DNAI4: variants seen among roughly 807,000 people sequenced by gnomAD.
DNAI4 encodes the protein dynein axonemal intermediate chain 4.
DNAI4 carries 85 observed loss-of-function variants against 105.8 expected under a neutral mutation model. The observed-to-expected ratio is 0.80, with a 90% CI of 0.67 to 0.96. The LOEUF (loss-of-function observed/expected upper bound fraction) is 0.96. Among genes scored for constraint, DNAI4 ranks in the 40% least tolerant of loss-of-function variants. The pLI is 0.00. For missense variants in DNAI4, 1,014 were observed against 1,005.6 expected (o/e 1.01, Z -0.11); for synonymous variants, 352 against 331.5 (o/e 1.06, Z -0.67).
intron 1 of DNAI4, among the ~76,000 whole-genome samples, chr1:66,908,463 G>A (rs1557981264): frequency 6.6e-6 from 1 of 152,204 alleles, no homozygotes; most frequent in South Asian, 2.1e-4. Flanking sequence ...CTGTGCCCCA[G>A]AACCTACTGA....
At position 66,890,800 on chromosome 1, in the gene DNAI4, GAAGAAGAGGAA is replaced by G. The variant is rs1433890219; in HGVS notation, c.643+343_643+353del. 44 of 299,484 alleles carry G rather than the reference GAAGAAGAGGAA, an allele frequency of 1.5e-4. No individual in the cohort carries two copies. The East Asian group carries it at 1.5e-3, about 11-fold the overall frequency. 18.6% of individuals were successfully genotyped at this position (299,484 alleles called of 1,614,324 possible). On this transcript the variant is annotated intron_variant, in intron 4 of 16. Coordinates refer to ENST00000371026, the MANE Select transcript of DNAI4 (RefSeq NM_024763.5). This position sits in a 1 kb window ranked among gnomAD's most constrained non-coding sequence, Gnocchi z 4.1. ...AGGAAGAGGAGGAAGAAGAAGTGAG[GAAGAAGAGGAA>G]AAGAAGAGGAAAAGAGGAAGAGGAA...
At chr1:66,837,891 A>C (rs978684255) in intron 9 of DNAI4, 95 bp from the exon 10 acceptor site, 1 of 1,198,322 alleles carries the variant, frequency 8.3e-7, no homozygotes, top group Non-Finnish European at 1.2e-6. Context: ...TGTGTTAAAA[A>C]TAGTAGTAAG....
intron 4 of DNAI4, among the ~76,000 whole-genome samples, chr1:66,884,414 T>C (rs1569757686): frequency 6.6e-6 from 1 of 152,216 alleles, no homozygotes; most frequent in Non-Finnish European, 1.5e-5. Flanking sequence ...ATAATGGCTA[T>C]ACTAATTTAT....
intron 14 of DNAI4, 79 bp from the exon 15 acceptor site, chr1:66,827,125 C>A (rs1199501118): frequency 8.1e-7 from 1 of 1,230,196 alleles, no homozygotes; most frequent in South Asian, 1.5e-5. Flanking sequence ...ATTAAAAATG[C>A]TAAGATTTCT....
At chr1:66,830,564 G>A (rs904392486) in intron 13 of DNAI4, among the ~76,000 whole-genome samples, 1 of 151,900 alleles carries the variant, frequency 6.6e-6, no homozygotes, top group African/African-American at 2.4e-5. Flanking sequence ...ATCACTTGAG[G>A]TCAGGAGTTT....
chr1:66,871,590 A>G (rs1009673599), intron 5 of DNAI4, 81 bp from the exon 6 acceptor site: 2 of 1,341,316 alleles, frequency 1.5e-6, no homozygotes, highest in African/African-American at 3.0e-5. Flanking sequence ...TCTTTTCCCT[A>G]AAATTACTTT....
Position 66,840,690 on chromosome 1 carries a change from A to C in DNAI4, c.1292-19T>G, listed in dbSNP as rs1179460374. On this transcript the variant is annotated intron_variant, in intron 8 of 16. Coordinates refer to ENST00000371026, the MANE Select transcript of DNAI4 (RefSeq NM_024763.5). Reference sequence around the variant, plus strand: ...TCAGGTTCTAAAGTTTAAACAAATAAAAAGATCATTGTCCTCTACATCTAT... The same window carrying C: ...TCAGGTTCTAAAGTTTAAACAAATACAAAGATCATTGTCCTCTACATCTAT... The C allele has an allele frequency of 1.9e-6, 3 of 1,613,364 alleles. No homozygotes were observed. The African/African-American group carries it at 4.0e-5, about 22-fold the overall frequency.
intron 5 of DNAI4, among the ~76,000 whole-genome samples, chr1:66,873,945 A>G (rs1646907991): frequency 7.5e-6 from 1 of 133,744 alleles, no homozygotes; most frequent in Non-Finnish European, 1.5e-5. Context: ...AACATGTACT[A>G]TGTTTTATAG....
chr1:66,818,062 C>T (rs903279433), intron 16 of DNAI4, among the ~76,000 whole-genome samples: 1 of 151,910 alleles, frequency 6.6e-6, no homozygotes, highest in Non-Finnish European at 1.5e-5. Flanking sequence ...AAACAGATAA[C>T]TTTAGTATTT....
At chr1:66,817,902 TTCACAATG>T (rs1645550600) in intron 16 of DNAI4, among the ~76,000 whole-genome samples, 1 of 152,180 alleles carries the variant, frequency 6.6e-6, no homozygotes, top group African/African-American at 2.4e-5. Flanking sequence ...CCCTTAAATG[TTCACAATG>T]TCAGGCTTCA....
chr1:66,920,546 T>C (rs72926008), intron 1 of DNAI4, among the ~76,000 whole-genome samples: 3,531 of 152,236 alleles, frequency 0.023, 134 homozygotes, highest in African/African-American at 0.082. Context: ...CTAGATACTG[T>C]TGGGGAGTGA....
intron 13 of DNAI4, among the ~76,000 whole-genome samples, chr1:66,829,227 AT>A (rs1645817558): frequency 1.3e-5 from 2 of 152,202 alleles, no homozygotes; most frequent in African/African-American, 4.8e-5. Context: ...CATACTAATA[AT>A]CAAACTAAAT....
chr1:66,893,121 G>GAAAGAAAGAAAC (rs1352348435), intron 3 of DNAI4, 108 bp downstream of exon 3: 259 of 527,616 alleles, frequency 4.9e-4, no homozygotes, highest in Non-Finnish European at 5.8e-4. Flanking sequence ...AAGAAAGAAA[G>GAAAGAAAGAAAC]AAACTGGGAG....
chr1:66,916,945 C>T (rs1268465142), intron 1 of DNAI4, among the ~76,000 whole-genome samples: 1 of 151,396 alleles, frequency 6.6e-6, no homozygotes, highest in Non-Finnish European at 1.5e-5. Context: ...TTTACAATGA[C>T]CTATGATCCT....
chr1:66,839,312 C>A (rs992132829), intron 9 of DNAI4, among the ~76,000 whole-genome samples: 4 of 152,118 alleles, frequency 2.6e-5, no homozygotes, highest in African/African-American at 9.7e-5. Flanking sequence ...ATCCACAAGA[C>A]AGTCCCAAAT....
chr1:66,820,713 C>G (rs1009678440), intron 16 of DNAI4, among the ~76,000 whole-genome samples: 3 of 152,086 alleles, frequency 2.0e-5, no homozygotes, highest in African/African-American at 7.2e-5. Context: ...TCAGTAAAGA[C>G]TTCACTGAGA....
chr1:66,857,486 A>G (rs1646526677), intron 7 of DNAI4, among the ~76,000 whole-genome samples: 1 of 152,026 alleles, frequency 6.6e-6, no homozygotes, highest in Non-Finnish European at 1.5e-5. Flanking sequence ...AAAGTATAAT[A>G]AAAAAGAAAA....
intron 6 of DNAI4, among the ~76,000 whole-genome samples, chr1:66,868,883 C>T (rs1453525446): frequency 6.6e-6 from 1 of 151,804 alleles, no homozygotes; most frequent in Non-Finnish European, 1.5e-5. Flanking sequence ...CGAGACCATC[C>T]TGGCCAACAC....
chr1:66,897,720 G>A (rs1225109743), intron 2 of DNAI4, among the ~76,000 whole-genome samples: 2 of 152,232 alleles, frequency 1.3e-5, no homozygotes, highest in African/African-American at 2.4e-5. Context: ...TCCAGAAGAT[G>A]TGAGTCATAA....
Sources: allele counts gnomAD v4.1 joint callset (sites outside exome capture counted in the v4.1 genomes callset), GRCh38; gene constraint gnomAD v4.1.1; non-coding constraint Gnocchi (gnomAD v3.1); transcripts MANE v1.5; gene names NCBI Gene and HGNC (gene_info 2026-07-23, HGNC 2026-07-21).